Variants in PCOLCE observed in about 807,000 individuals in gnomAD.
PCOLCE encodes procollagen C-endopeptidase enhancer 1.
In PCOLCE, 33 loss-of-function variants were observed where a neutral mutation model predicts 47.2. The observed-to-expected ratio is 0.70, with a 90% CI of 0.53 to 0.93. The LOEUF is 0.93. PCOLCE is among the 40% of genes least tolerant of loss of function. PCOLCE has a pLI of 0.00. For missense variants in PCOLCE, 584 were observed against 585.3 expected (o/e 1.00, Z 0.02); for synonymous variants, 254 against 252.5 (o/e 1.01, Z -0.06).
rs1318987556 is a variant in PCOLCE, at chr7:100,604,701, G to C, written c.464-390G>C. On this transcript the variant is annotated intron_variant, in intron 3 of 8. Transcript: ENST00000223061. This position sits in a 1 kb window ranked among gnomAD's most constrained non-coding sequence, Gnocchi z 6.4. ...TGTTTCAGGCGGGGACCTCCCTAAA[G>C]GGGTCCTCGGGGGCTGTGCCCCAAG... is the stretch of plus-strand genomic sequence containing the variant. The C allele has an allele frequency of 3.1e-6, 1 of 319,818 alleles. No individual in the cohort carries two copies. Among genetic ancestry groups the C allele is most frequent in the African/African-American group, 2.2e-5 (1 of 45,772 alleles). The allele number at this position is 319,818 out of a possible 1,614,324, so 19.8% of individuals were successfully genotyped here. A position where few individuals can be genotyped will look rare whatever the true frequency, so the allele number is the denominator to read the frequency against.
chr7:100,607,319 C>T (rs1488598579), intron 6 of PCOLCE, 133 bp from the exon 7 acceptor site: 45 of 679,564 alleles, frequency 6.6e-5, no homozygotes, highest in Middle Eastern at 3.3e-4. Flanking sequence ...TCCTTCCTGC[C>T]GATGACCCCT....
intron 2 of PCOLCE, 32 bp from the exon 3 acceptor site, chr7:100,603,912 GTGTGGGGCCTGACTC>G (rs2131287379): frequency 1.3e-6 from 2 of 1,585,692 alleles, no homozygotes; most frequent in East Asian, 4.5e-5. Flanking sequence ...TGGCTGGGTT[GTGTGGGGCCTGACTC>G]TGTGGGTCCC....
chr7:100,604,207 C>T lies in PCOLCE; in HGVS notation c.453C>T (p.Thr151=). Reference sequence around the variant, plus strand: ...TGCTCTGGTACAGCGGGCGGGCCACCTCGGGCACTGGTGAGAACTCCCTCA... The same window carrying T: ...TGCTCTGGTACAGCGGGCGGGCCACTTCGGGCACTGGTGAGAACTCCCTCA... ...GFLLWYSGRA[T]SGTEHQFCGG... Residue 151 remains threonine, a synonymous_variant, in exon 3 of 9, where the codon ACC becomes ACT. Coordinates refer to ENST00000223061, the MANE Select transcript of PCOLCE (RefSeq NM_002593.4). This position sits in a 1 kb window ranked among gnomAD's most constrained non-coding sequence, Gnocchi z 6.4. The T allele has an allele frequency of 6.2e-7, 1 of 1,611,386 alleles. No individual in the cohort carries two copies. The highest frequency in any genetic ancestry group is 1.3e-5 in the African/African-American group (1 of 74,982).
rs1802624256 is a variant in PCOLCE at position 100,602,372 on chromosome 7, G to A, written c.-85G>A. On this transcript the variant is annotated 5_prime_UTR_variant, in exon 1 of 9. Transcript: ENST00000223061. ...TGCCCCATCTGGCGCTGATTATCCT[G>A]CTGCTGCCGCCACCGCTGCTGCTGC... 4 of 905,668 alleles carry A rather than the reference G, an allele frequency of 4.4e-6. No homozygotes were observed. The Admixed American group carries it at 6.9e-5, about 16-fold the overall frequency. The allele number at this position is 905,668 out of a possible 1,614,324, so 56.1% of individuals were successfully genotyped here. A position where few individuals can be genotyped will look rare whatever the true frequency, so the allele number is the denominator to read the frequency against.
In PCOLCE at chr7:100,607,967, A is replaced by C; in HGVS notation, c.1214A>C (p.Glu405Ala). ...GVSYLLMGQVEENRGPVLPPE... is the reference protein window; with the variant it reads ...GVSYLLMGQVAENRGPVLPPE... ...AGTTATCTGCTGATGGGCCAGGTAG[A>C]AGAGAACAGAGGCCCCGTCCTTCCT... The change falls in exon 9 of 9, where the codon GAA (glutamate) becomes GCA (alanine). Residue 405 changes from glutamate (E) to alanine (A), a missense_variant. By Grantham distance (107) the Glu-to-Ala change is moderately radical. Transcript: ENST00000223061. 6.2e-7 allele frequency: 1 copy of C among 1,614,162 alleles called. No individual in the cohort carries two copies. The highest frequency in any genetic ancestry group is 8.5e-7 in the Non-Finnish European group (1 of 1,180,018).
At chr7:100,607,281 A>G (rs1490975086) in intron 6 of PCOLCE, among the ~76,000 whole-genome samples, 171 bp from the exon 7 acceptor site, 2 of 151,994 alleles carry the variant, frequency 1.3e-5, no homozygotes, top group Non-Finnish European at 2.9e-5. Flanking sequence ...ACATTCACTC[A>G]TTGATTCATC....
chr7:100,606,914 C>T (rs1802726755), intron 6 of PCOLCE, among the ~76,000 whole-genome samples: 1 of 152,090 alleles, frequency 6.6e-6, no homozygotes, highest in African/African-American at 2.4e-5. Context: ...AACATGGCAA[C>T]ACCACATCTC....
At chr7:100,607,857 A>C (rs1422039880) in intron 8 of PCOLCE, 50 bp downstream of exon 8, 1 of 1,612,320 alleles carries the variant, frequency 6.2e-7, no homozygotes, top group South Asian at 1.1e-5. Context: ...GCCACACAGA[A>C]ATGATCAAGG....
In PCOLCE at chr7:100,603,412, C is replaced by G; in HGVS notation, c.96-18C>G. ...CCACCCGTCCCTGCTCTTTCCTGAC[C>G]CCTTTTCTGTTCTCCAGACCCGTGT... On this transcript the variant is annotated intron_variant, in intron 1 of 8. Coordinates refer to ENST00000223061, the MANE Select transcript of PCOLCE (RefSeq NM_002593.4). 1.4e-6 allele frequency: 2 copies of G among 1,433,018 alleles called. No homozygotes were observed. The highest frequency in any genetic ancestry group is 2.3e-5 in the South Asian group (2 of 85,676). The allele number at this position is 1,433,018 out of a possible 1,614,324, so 88.8% of individuals were successfully genotyped here.
chr7:100,603,607 A>ACCCCCCCCCCCCCCCCCCCC (rs112882557), intron 2 of PCOLCE, 69 bp downstream of exon 2: 6 of 544,644 alleles, frequency 1.1e-5, no homozygotes, highest in Admixed American at 4.0e-5. Context: ...CTGCGAAGGG[A>ACCCCCCCCCCCCCCCCCCCC]CCCCCCCCCC....
intron 7 of PCOLCE, 21 bp from the exon 8 acceptor site, chr7:100,607,616 C>G: frequency 6.2e-7 from 1 of 1,613,012 alleles, no homozygotes; most frequent in Non-Finnish European, 8.5e-7. Flanking sequence ...CTCCTCATCT[C>G]TCACTCCCAT....
rs1802699039 is a variant in PCOLCE at position 100,605,559 on chromosome 7, G to T, written c.589-117G>T. ...CTGTGGTGTGAACGCCTTCAGGAGGGGGGCCCAGAGGACGCGGGAGGTGGG... is the reference window on the plus strand; with the variant it reads ...CTGTGGTGTGAACGCCTTCAGGAGGTGGGCCCAGAGGACGCGGGAGGTGGG... On this transcript the variant is annotated intron_variant, in intron 4 of 8. Transcript: ENST00000223061. The surrounding 1 kb of genome is among the most constrained non-coding windows in gnomAD (Gnocchi z 6.1). 4 of 1,289,356 alleles carry T rather than the reference G, an allele frequency of 3.1e-6. No individual in the cohort carries two copies. The highest frequency in any genetic ancestry group is 2.1e-6 in the Non-Finnish European group (2 of 935,266). The allele number at this position is 1,289,356 out of a possible 1,614,324, so 79.9% of individuals were successfully genotyped here.
chr7:100,602,386 CGCT>C lies in PCOLCE; in HGVS notation c.-61_-59del. 3.0e-6 allele frequency: 3 copies of C among 1,014,612 alleles called. No homozygotes were observed. Among genetic ancestry groups the C allele is most frequent in the Non-Finnish European group, 4.7e-6 (3 of 641,890 alleles). 62.9% of individuals were successfully genotyped at this position (1,014,612 alleles called of 1,614,324 possible). A position where few individuals can be genotyped will look rare whatever the true frequency, so the allele number is the denominator to read the frequency against. On this transcript the variant is annotated 5_prime_UTR_variant, in exon 1 of 9. Transcript: ENST00000223061. ...CTGATTATCCTGCTGCTGCCGCCAC[CGCT>C]GCTGCTGCTCTGCAAAATTCAGCTG...
In PCOLCE at chr7:100,604,926, C is replaced by T. The variant is rs1001561291; in HGVS notation, c.464-165C>T. On this transcript the variant is annotated intron_variant, in intron 3 of 8. Transcript: ENST00000223061. The surrounding 1 kb of genome is among the most constrained non-coding windows in gnomAD (Gnocchi z 6.4). ...TTCCCCGAGCCGCGCTCCTCCCGGCCGCTCTCTGTTAACCTGCCCCCATCT... is the reference window on the plus strand; with the variant it reads ...TTCCCCGAGCCGCGCTCCTCCCGGCTGCTCTCTGTTAACCTGCCCCCATCT... 3.5e-5 allele frequency: 19 copies of T among 540,150 alleles called. No homozygotes were observed. Among genetic ancestry groups the T allele is most frequent in the Non-Finnish European group, 6.3e-5 (19 of 302,818 alleles). 33.5% of individuals were successfully genotyped at this position (540,150 alleles called of 1,614,324 possible).
chr7:100,603,719 C>G, intron 2 of PCOLCE, 181 bp downstream of exon 2: 1 of 606,570 alleles, frequency 1.6e-6, no homozygotes, highest in Non-Finnish European at 2.9e-6. Flanking sequence ...CTTAACCCTT[C>G]CCTCAAATCT....
chr7:100,606,731 G>T, intron 6 of PCOLCE, 101 bp downstream of exon 6: 1 of 857,204 alleles, frequency 1.2e-6, no homozygotes, highest in South Asian at 1.8e-5. Flanking sequence ...CCAGCATTTT[G>T]GGAGGTCCAG....
chr7:100,602,907 T>A (rs1450837600), intron 1 of PCOLCE: 4 of 342,800 alleles, frequency 1.2e-5, no homozygotes, highest in African/African-American at 4.3e-5. Context: ...GAGGGGGCAG[T>A]GAGTGGAGAC....
At chr7:100,607,304 G>A in intron 6 of PCOLCE, 148 bp from the exon 7 acceptor site, 1 of 661,386 alleles carries the variant, frequency 1.5e-6, no homozygotes. Flanking sequence ...GTACTCACTG[G>A]TGCCTCCTTC....
chr7:100,603,883 G>C, intron 2 of PCOLCE, 76 bp from the exon 3 acceptor site: 1 of 1,538,050 alleles, frequency 6.5e-7, no homozygotes, highest in East Asian at 2.2e-5. Context: ...GAAACGCTTG[G>C]GGCAGGGGAG....
Sources: allele counts gnomAD v4.1 joint callset (sites outside exome capture counted in the v4.1 genomes callset), GRCh38; gene constraint gnomAD v4.1.1; non-coding constraint Gnocchi (gnomAD v3.1); transcripts MANE v1.5; gene names NCBI Gene and HGNC (gene_info 2026-07-23, HGNC 2026-07-21).